IFIH1: variants seen among roughly 807,000 people sequenced by gnomAD.
The protein encoded by IFIH1 is interferon induced with helicase C domain 1, also known as interferon-induced helicase C domain-containing protein 1.
A neutral mutation model predicts 107.4 loss-of-function variants in IFIH1; 125 were observed. The observed-to-expected ratio is 1.16, with a 90% CI of 1.01 to 1.35. IFIH1 has a LOEUF of 1.35. Ranked by LOEUF, IFIH1 falls within the 40% of genes most tolerant of loss-of-function variation. IFIH1 has a pLI of 0.00. For synonymous variants in IFIH1, 458 were observed against 413.2 expected, an observed-to-expected ratio of 1.11 and a Z score of -1.31; for missense variants, 1,333 against 1,213.7, an observed-to-expected ratio of 1.10 and a Z score of -1.46.
At chr2:162,306,082 T>G (rs1044511003) in intron 3 of IFIH1, among the ~76,000 whole-genome samples, 1 of 152,242 alleles carries the variant, frequency 6.6e-6, no homozygotes. Flanking sequence ...TAAGTCCTTT[T>G]GGCAGAGAAG....
intron 4 of IFIH1, among the ~76,000 whole-genome samples, chr2:162,289,795 T>C (rs1005434415): frequency 1.2e-4 from 18 of 152,096 alleles, no homozygotes; most frequent in African/African-American, 4.3e-4. Context: ...GATCATCTGC[T>C]GATTCATTCA....
At chr2:162,281,144 T>C (rs1682799679) in intron 7 of IFIH1, among the ~76,000 whole-genome samples, 184 bp downstream of exon 7, 2 of 152,044 alleles carry the variant, frequency 1.3e-5, no homozygotes, top group African/African-American at 4.8e-5. Context: ...TTTGTGTTAT[T>C]GATATTTATT....
chr2:162,295,693 G>A (rs73971803), intron 3 of IFIH1, among the ~76,000 whole-genome samples: 5,779 of 151,948 alleles, frequency 0.038, 340 homozygotes, highest in African/African-American at 0.13. Flanking sequence ...ATGATCACAC[G>A]GGAAAACCTG....
rs528613846 is a variant in IFIH1 at position 162,276,661 on chromosome 2, G to T, written c.2304+26C>A. 5 of 1,577,052 alleles carry T rather than the reference G, an allele frequency of 3.2e-6. No homozygotes were observed. The East Asian group carries it at 1.1e-4, about 35-fold the overall frequency. On this transcript the variant is annotated intron_variant, in intron 11 of 15. Transcript: ENST00000649979. The stretch of plus-strand genomic sequence containing the variant: ...AGAAGAAAAGAGAAAGAAAAGAAAA[G>T]AAGTCGTCCAAAAGGATATTTATAC...
intron 4 of IFIH1, among the ~76,000 whole-genome samples, chr2:162,292,048 C>T (rs949208670): frequency 5.9e-5 from 9 of 151,810 alleles, no homozygotes; most frequent in African/African-American, 2.2e-4. Context: ...TCAGCAAATA[C>T]ATTTGTTAAC....
Position 162,277,691 on chromosome 2 carries a change from C to G in IFIH1, c.1768G>C (p.Ala590Pro). Residue 590 changes from alanine to proline, a missense_variant and splice_region_variant, in exon 10 of 16, where the codon GCA becomes CCA. Coordinates refer to ENST00000649979, the MANE Select transcript of IFIH1 (RefSeq NM_022168.4). ...QWAIQMEKKAAKEGNRKERVC... is the reference protein window; with the variant it reads ...QWAIQMEKKAPKEGNRKERVC... Reference sequence around the variant, plus strand: ...CGTTCTTTGCGATTTCCTTCTTTTGCAGCTGTGAAAAAATATATTATGTAA... The same window carrying G: ...CGTTCTTTGCGATTTCCTTCTTTTGGAGCTGTGAAAAAATATATTATGTAA... The G allele has an allele frequency of 6.3e-7, 1 of 1,599,366 alleles. No homozygotes were observed.
intron 3 of IFIH1, among the ~76,000 whole-genome samples, chr2:162,303,046 T>C (rs139765262): frequency 1.1e-3 from 173 of 152,326 alleles, no homozygotes; most frequent in African/African-American, 3.9e-3. Context: ...TTACTAAAAG[T>C]GTAGCTATAC....
intron 2 of IFIH1, chr2:162,307,267 C>T (rs1683300789): frequency 6.5e-6 from 1 of 153,166 alleles, no homozygotes; most frequent in Non-Finnish European, 1.5e-5. Flanking sequence ...AAGTGATTTC[C>T]TGTCTGACCG....
intron 1 of IFIH1, among the ~76,000 whole-genome samples, chr2:162,317,059 T>C (rs939820241): frequency 6.6e-6 from 1 of 150,882 alleles, no homozygotes; most frequent in African/African-American, 2.4e-5. Flanking sequence ...GTGATTGCAA[T>C]TTACCCATTT....
intron 13 of IFIH1, 148 bp downstream of exon 13, chr2:162,272,078 A>C: frequency 1.5e-6 from 1 of 662,684 alleles, no homozygotes; most frequent in South Asian, 1.7e-5. Context: ...GATTCTCTGC[A>C]TGTGAATCTG....
At chr2:162,268,830 C>T (rs918917159) in intron 13 of IFIH1, among the ~76,000 whole-genome samples, 1 of 152,078 alleles carries the variant, frequency 6.6e-6, no homozygotes. Flanking sequence ...TCTCAGTGAT[C>T]CACCTGCCTC....
intron 4 of IFIH1, 130 bp downstream of exon 4, chr2:162,293,434 T>C (rs562359898): frequency 3.7e-4 from 215 of 585,470 alleles, no homozygotes; most frequent in Non-Finnish European, 5.9e-4. Flanking sequence ...GTTCCAAAAC[T>C]ATTTCACTGT....
chr2:162,273,911 T>C lies in IFIH1; in HGVS notation c.2338A>G (p.Thr780Ala). ...GCGATAAGCAGATTTATTTTTCCAG[T>C]GCGAAATTTACTAATGACTTCTTTT... Reference protein sequence around the residue: ...EQKEVISKFRTGKINLLIATT... With the variant: ...EQKEVISKFRAGKINLLIATT... The change falls in exon 12 of 16, where the codon ACT (threonine) becomes GCT (alanine). Residue 780 changes from threonine (T) to alanine (A), a missense_variant. Coordinates refer to ENST00000649979, the MANE Select transcript of IFIH1 (RefSeq NM_022168.4). The C allele has an allele frequency of 1.9e-6, 3 of 1,608,882 alleles. No individual in the cohort carries two copies. The highest frequency in any genetic ancestry group is 2.6e-6 in the Non-Finnish European group (3 of 1,176,110).
At chr2:162,311,212 C>A (rs943216121) in intron 1 of IFIH1, among the ~76,000 whole-genome samples, 1 of 152,024 alleles carries the variant, frequency 6.6e-6, no homozygotes. Context: ...TTATTCAAAC[C>A]TGACACCTAG....
intron 11 of IFIH1, 35 bp downstream of exon 11, chr2:162,276,652 A>G (rs1379852530): frequency 1.3e-6 from 2 of 1,569,712 alleles, no homozygotes; most frequent in Admixed American, 2.0e-5. Context: ...AAAGAGAAAG[A>G]AAAGAAAAGA....
At chr2:162,277,353 G>A in intron 10 of IFIH1, 62 bp downstream of exon 10, 2 of 1,147,572 alleles carry the variant, frequency 1.7e-6, no homozygotes, top group South Asian at 2.9e-5. Flanking sequence ...CTTATGAGAA[G>A]CAGTAAGTTC....
rs116806745 is a variant in IFIH1, at chr2:162,318,487, C to T, written c.-180G>A. Reference sequence around the variant, plus strand: ...TCAGGCCGGCGCGCGGGGCTGCACTCGCACCTGGGCAGGTGGGCAGGCGGG... The same window carrying T: ...TCAGGCCGGCGCGCGGGGCTGCACTTGCACCTGGGCAGGTGGGCAGGCGGG... On this transcript the variant is annotated 5_prime_UTR_variant, in exon 1 of 16. Coordinates refer to ENST00000649979, the MANE Select transcript of IFIH1 (RefSeq NM_022168.4). 8.6e-3 allele frequency: 4,005 copies of T among 466,426 alleles called. 124 individuals are homozygous for T. The highest frequency in any genetic ancestry group is 0.072 in the African/African-American group (3,589 of 50,050). 28.9% of individuals were successfully genotyped at this position (466,426 alleles called of 1,614,324 possible).
intron 5 of IFIH1, among the ~76,000 whole-genome samples, 178 bp downstream of exon 5, chr2:162,287,957 T>G (rs548112241): frequency 3.9e-5 from 6 of 152,080 alleles, no homozygotes; most frequent in African/African-American, 1.4e-4. Context: ...ATTTTCAGGT[T>G]CATCACTTAG....
intron 2 of IFIH1, among the ~76,000 whole-genome samples, chr2:162,308,097 G>C (rs772793061): frequency 8.5e-5 from 13 of 152,254 alleles, no homozygotes; most frequent in Non-Finnish European, 1.5e-4. Flanking sequence ...TCCTACAGTA[G>C]TCTGTTTATG....
Sources: allele counts gnomAD v4.1 joint callset (sites outside exome capture counted in the v4.1 genomes callset), GRCh38; gene constraint gnomAD v4.1.1; transcripts MANE v1.5; gene names NCBI Gene and HGNC (gene_info 2026-07-23, HGNC 2026-07-21).